AZIN2: variants seen among roughly 807,000 people sequenced by gnomAD.
AZIN2 encodes ODC antizyme inhibitor-2.
AZIN2 carries 28 observed loss-of-function variants against 47.8 expected under a neutral mutation model. The observed-to-expected ratio is 0.59, with a 90% CI of 0.43 to 0.80. The LOEUF (loss-of-function observed/expected upper bound fraction) is 0.80. Ranked by LOEUF, AZIN2 falls within the 30% of genes least tolerant of loss-of-function variation. AZIN2 has a pLI of 0.00. For synonymous variants in AZIN2, 221 were observed against 239.4 expected, an observed-to-expected ratio of 0.92 and a Z score of 0.71; for missense variants, 535 against 582.5, an observed-to-expected ratio of 0.92 and a Z score of 0.84.
the AZIN2 span, chr1:33,164,972 T>G: frequency 9.0e-6 from 1 of 111,390 alleles, no homozygotes; most frequent in Non-Finnish European, 2.0e-5. Flanking sequence ...TTTTTTTTTT[T>G]GTAGAGAAGG....
the AZIN2 span, chr1:33,163,881 G>A: frequency 2.0e-5 from 3 of 152,836 alleles, no homozygotes; most frequent in African/African-American, 4.8e-5. Context: ...GGGGGAACTC[G>A]AGGGGGATGT....
At chr1:33,136,623 G>A in the AZIN2 span, among the ~76,000 whole-genome samples, 1 of 151,696 alleles carries the variant, frequency 6.6e-6, no homozygotes, top group Non-Finnish European at 1.5e-5. Context: ...TCCTGCTTCA[G>A]CCTCCCAAAG....
At chr1:33,106,807 G>A (rs534313491) in intron 10 of AZIN2, among the ~76,000 whole-genome samples, 5 of 152,264 alleles carry the variant, frequency 3.3e-5, no homozygotes, top group Admixed American at 6.5e-5. Context: ...CACAGCTAAT[G>A]TTATACTCAA....
intron 10 of AZIN2, among the ~76,000 whole-genome samples, chr1:33,111,487 G>A (rs1449891551): frequency 1.3e-5 from 2 of 152,094 alleles, no homozygotes; most frequent in Non-Finnish European, 2.9e-5. Flanking sequence ...AACACAGAAA[G>A]TAATTAAAAT....
the AZIN2 span, among the ~76,000 whole-genome samples, chr1:33,133,139 C>T: frequency 6.6e-6 from 1 of 152,184 alleles, no homozygotes; most frequent in African/African-American, 2.4e-5. Flanking sequence ...CTTACAGTTA[C>T]AGTTACAGGG....
chr1:33,156,546 C>T, the AZIN2 span, among the ~76,000 whole-genome samples: 4 of 152,214 alleles, frequency 2.6e-5, no homozygotes, highest in African/African-American at 9.7e-5. Flanking sequence ...TCTCGGTCTC[C>T]TTGGCTGGGT....
Position 33,084,232 on chromosome 1 carries a change from G to T in AZIN2, c.279+105G>T, listed in dbSNP as rs1315534009. On this transcript the variant is annotated intron_variant, in intron 5 of 11. Transcript: ENST00000294517. Reference sequence around the variant, plus strand: ...GGGGAGCAAGAGGTACCTGTAGTTGGTCCTTGCCCTCTGGGAAGACCACCC... The same window carrying T: ...GGGGAGCAAGAGGTACCTGTAGTTGTTCCTTGCCCTCTGGGAAGACCACCC... 5.7e-6 allele frequency: 8 copies of T among 1,398,706 alleles called. No individual in the cohort carries two copies. The African/African-American group carries it at 9.9e-5, about 17-fold the overall frequency. 86.6% of individuals were successfully genotyped at this position (1,398,706 alleles called of 1,614,324 possible). A position where few individuals can be genotyped will look rare whatever the true frequency, so the allele number is the denominator to read the frequency against.
the AZIN2 span, among the ~76,000 whole-genome samples, chr1:33,160,120 A>G: frequency 4.6e-5 from 7 of 152,130 alleles, no homozygotes; most frequent in East Asian, 1.9e-4. Context: ...GGCATGTTCT[A>G]TGTGGTCCAT....
At chr1:33,142,665 T>A in the AZIN2 span, 1 of 152,210 alleles carries the variant, frequency 6.6e-6, no homozygotes, top group Non-Finnish European at 1.5e-5. Flanking sequence ...AATTGCACAA[T>A]TCCGCAGTGG....
intron 10 of AZIN2, chr1:33,102,003 C>A: frequency 1.5e-6 from 1 of 672,862 alleles, no homozygotes; most frequent in Non-Finnish European, 2.8e-6. Context: ...ATTCTTGTTT[C>A]CCTCTCTCTG....
At position 33,098,189 on chromosome 1, in the gene AZIN2, C is replaced by CCCCA. The variant is rs1325744231; in HGVS notation, c.1029+12_1029+15dup. ...CCCCATCCTGCAGAAGGTGAGCTTA[C>CCCCA]CCCACGTGGGCCTGTTTTCAGTTGT... On this transcript the variant is annotated intron_variant, in intron 10 of 11. Coordinates refer to ENST00000294517, the MANE Select transcript of AZIN2 (RefSeq NM_052998.4). The CCCCA allele has an allele frequency of 6.3e-7, 1 of 1,586,734 alleles. No homozygotes were observed. Among genetic ancestry groups the CCCCA allele is most frequent in the South Asian group, 1.1e-5 (1 of 88,700 alleles).
the AZIN2 span, among the ~76,000 whole-genome samples, chr1:33,151,719 G>A: frequency 4.7e-3 from 721 of 152,342 alleles, 3 homozygotes; most frequent in Non-Finnish European, 8.7e-3. Flanking sequence ...CTCCAGGTGT[G>A]TTGTCCATTC....
chr1:33,143,631 C>T, the AZIN2 span, among the ~76,000 whole-genome samples: 1 of 152,204 alleles, frequency 6.6e-6, no homozygotes, highest in East Asian at 1.9e-4. Flanking sequence ...TGGGGTGGTT[C>T]CCTCTCCCCA....
chr1:33,084,880 G>A (rs945013321), intron 5 of AZIN2, among the ~76,000 whole-genome samples: 9 of 152,236 alleles, frequency 5.9e-5, no homozygotes, highest in African/African-American at 1.4e-4. Flanking sequence ...GTTTACAGCC[G>A]TGAGCCACCG....
chr1:33,087,638 A>C (rs1253234833), intron 5 of AZIN2, among the ~76,000 whole-genome samples: 1 of 151,138 alleles, frequency 6.6e-6, no homozygotes, highest in African/African-American at 2.4e-5. Flanking sequence ...GGGTTTTACC[A>C]TGTTGGCCAG....
At chr1:33,107,506 G>C (rs1644072322) in intron 10 of AZIN2, among the ~76,000 whole-genome samples, 1 of 152,134 alleles carries the variant, frequency 6.6e-6, no homozygotes, top group Non-Finnish European at 1.5e-5. Context: ...TTTGAGCCTG[G>C]GAGGTGGAGG....
At chr1:33,102,138 G>A (rs193045756) in intron 10 of AZIN2, among the ~76,000 whole-genome samples, 1 of 149,976 alleles carries the variant, frequency 6.7e-6, no homozygotes, top group East Asian at 2.0e-4. Flanking sequence ...TAAGAGACTC[G>A]GTGGCTCTGC....
At chr1:33,118,202 T>A (rs1304377525) in intron 11 of AZIN2, 86 bp downstream of exon 11, 14 of 1,391,754 alleles carry the variant, frequency 1.0e-5, no homozygotes, top group Non-Finnish European at 1.1e-5. Context: ...TCTGCTTCTG[T>A]GTAATCCAAC....
intron 10 of AZIN2, among the ~76,000 whole-genome samples, chr1:33,098,785 A>G (rs1333091800): frequency 1.3e-5 from 2 of 149,966 alleles, no homozygotes; most frequent in Non-Finnish European, 1.5e-5. Context: ...TTTTTTTGAG[A>G]TGGAGTCTTA....
Sources: allele counts gnomAD v4.1 joint callset (sites outside exome capture counted in the v4.1 genomes callset), GRCh38; gene constraint gnomAD v4.1.1; transcripts MANE v1.5; gene names NCBI Gene and HGNC (gene_info 2026-07-23, HGNC 2026-07-21).